TFDP2: variants seen among roughly 807,000 people sequenced by gnomAD.
TFDP2 encodes the protein transcription factor Dp-2.
A neutral mutation model predicts 59.3 loss-of-function variants in TFDP2; 17 were observed. The observed-to-expected ratio is 0.29, with a 90% CI of 0.20 to 0.43. The LOEUF (loss-of-function observed/expected upper bound fraction) is 0.43. TFDP2 is among the 20% of genes least tolerant of loss of function. The pLI is 1.00. For synonymous variants in TFDP2, 180 were observed against 194.7 expected (o/e 0.92, Z 0.63); for missense variants, 391 against 528.8 (o/e 0.74, Z 2.56).
chr3:141,988,264 A>G lies in TFDP2; in HGVS notation c.356+5274T>C, dbSNP rs141638438. 1.2e-3 allele frequency among the ~76,000 whole-genome samples: 180 copies of G among 152,188 alleles called. 1 individual carries two copies. Among genetic ancestry groups the G allele is most frequent in the African/African-American group, 4.1e-3 (170 of 41,538 alleles). On this transcript the variant is annotated intron_variant, in intron 6 of 12. Coordinates refer to ENST00000489671, the MANE Select transcript of TFDP2 (RefSeq NM_001178139.2). ...CCTGGCCTGCTGTTGGTTTTTGCCA[A>G]TTGTCTTTAACATACTAAGTTCCCT... is the stretch of plus-strand genomic sequence containing the variant.
In TFDP2 at chr3:141,969,206, C is replaced by T. The variant is rs1168325499; in HGVS notation, c.732+867G>A. ...ATATATATGAGATATATATATATAA[C>T]ATATATATATATCTCATATATATGA... On this transcript the variant is annotated intron_variant, in intron 9 of 12. Transcript: ENST00000489671. 5.2e-4 allele frequency among the ~76,000 whole-genome samples: 30 copies of T among 57,992 alleles called. 5 individuals are homozygous for T. Among genetic ancestry groups the T allele is most frequent in the African/African-American group, 2.6e-3 (25 of 9,638 alleles). 38.0% of individuals were successfully genotyped at this position (57,992 alleles called of 152,430 possible). A position where few individuals can be genotyped will look rare whatever the true frequency, so the allele number is the denominator to read the frequency against.
intron 4 of TFDP2, among the ~76,000 whole-genome samples, chr3:142,000,827 G>A (rs1943698275): frequency 6.6e-6 from 1 of 152,202 alleles, no homozygotes; most frequent in Admixed American, 6.5e-5. Context: ...ACCCAACAGG[G>A]CAAACATTAA....
chr3:141,952,839 A>T, intron 12 of TFDP2, 72 bp downstream of exon 12: 1 of 1,551,358 alleles, frequency 6.4e-7, no homozygotes, highest in Non-Finnish European at 8.9e-7. Context: ...CAGTAACATG[A>T]CCCCGGCTCA....
At chr3:142,050,682 A>G (rs1947581058) in intron 3 of TFDP2, among the ~76,000 whole-genome samples, 1 of 151,730 alleles carries the variant, frequency 6.6e-6, no homozygotes, top group African/African-American at 2.4e-5. Context: ...GGTGACAGAC[A>G]GAGCGAGACT....
rs142413325 is a variant in TFDP2, at chr3:142,113,253, T to TATTTATTTA, written c.-92-11413_-92-11412insTAAATAAAT. On this transcript the variant is annotated intron_variant, in intron 1 of 12. Transcript: ENST00000489671. The stretch of plus-strand genomic sequence containing the variant: ...CAAAACAAGCTAGATGACATTTATT[T>TATTTATTTA]TTTATTTATTTATTTATTTATTTTG... 7.0e-3 allele frequency among the ~76,000 whole-genome samples: 1,060 copies of TATTTATTTA among 152,120 alleles called. 6 individuals carry two copies. The highest frequency in any genetic ancestry group is 9.8e-3 in the Non-Finnish European group (663 of 67,982).
chr3:142,095,739 G>A (rs183756385), intron 2 of TFDP2, among the ~76,000 whole-genome samples: 31 of 152,212 alleles, frequency 2.0e-4, no homozygotes, highest in African/African-American at 7.2e-4. Flanking sequence ...AGAGTTTATT[G>A]TGCCATTACT....
chr3:142,078,374 AGTG>A (rs2060534342), intron 3 of TFDP2, among the ~76,000 whole-genome samples: 1 of 152,100 alleles, frequency 6.6e-6, no homozygotes, highest in Non-Finnish European at 1.5e-5. Context: ...GTGCAGTCCC[AGTG>A]GTGGTGGCCA....
intron 3 of TFDP2, among the ~76,000 whole-genome samples, chr3:142,074,620 G>A (rs1170686708): frequency 6.6e-6 from 1 of 151,858 alleles, no homozygotes; most frequent in African/African-American, 2.4e-5. Context: ...GGGAGGCCGA[G>A]GCAGGTGGAT....
chr3:142,132,172 C>T (rs1038528296), intron 1 of TFDP2, among the ~76,000 whole-genome samples: 3 of 150,052 alleles, frequency 2.0e-5, no homozygotes, highest in Non-Finnish European at 4.4e-5. Flanking sequence ...TATTGATATA[C>T]TCTGCAGCAT....
intron 3 of TFDP2, among the ~76,000 whole-genome samples, chr3:142,020,694 A>G (rs1158493910): frequency 1.3e-5 from 2 of 150,592 alleles, no homozygotes; most frequent in Non-Finnish European, 2.9e-5. Flanking sequence ...AAAAAAAAAA[A>G]GTTTTCAGGC....
intron 3 of TFDP2, among the ~76,000 whole-genome samples, chr3:142,013,953 T>C (rs1944922430): frequency 6.6e-6 from 1 of 152,184 alleles, no homozygotes; most frequent in African/African-American, 2.4e-5. Flanking sequence ...TTGAATTAGC[T>C]TTAGGAAAAA....
At chr3:141,995,192 C>G (rs1943151877) in intron 4 of TFDP2, 51 bp from the exon 5 acceptor site, 2 of 1,422,224 alleles carry the variant, frequency 1.4e-6, no homozygotes, top group Non-Finnish European at 1.9e-6. Flanking sequence ...TAAGAAAAGC[C>G]TACAGGCAGA....
At chr3:142,000,492 AG>A (rs1246818849) in intron 4 of TFDP2, 4 of 455,032 alleles carry the variant, frequency 8.8e-6, no homozygotes, top group Non-Finnish European at 1.6e-5. Context: ...AGTAGGGATT[AG>A]GTTTCAACAT....
At chr3:142,095,046 A>G (rs2061118794) in intron 2 of TFDP2, among the ~76,000 whole-genome samples, 2 of 151,630 alleles carry the variant, frequency 1.3e-5, no homozygotes, top group South Asian at 4.2e-4. Context: ...GCTGGAGTGC[A>G]GTGGCACAAT....
chr3:142,023,973 G>A (rs946581705), intron 3 of TFDP2, among the ~76,000 whole-genome samples: 1 of 151,858 alleles, frequency 6.6e-6, no homozygotes, highest in East Asian at 1.9e-4. Context: ...GTTAATTTTT[G>A]TATTTTTTGT....
intron 1 of TFDP2, among the ~76,000 whole-genome samples, chr3:142,113,871 T>C (rs957304431): frequency 6.6e-6 from 1 of 151,974 alleles, no homozygotes; most frequent in Non-Finnish European, 1.5e-5. Flanking sequence ...TCAAAATAAC[T>C]CTACAGAATA....
intron 3 of TFDP2, among the ~76,000 whole-genome samples, chr3:142,007,333 G>T (rs144896433): frequency 6.6e-6 from 1 of 152,226 alleles, no homozygotes; most frequent in East Asian, 1.9e-4. Context: ...ATATGACTGA[G>T]CCCTCTTATA....
At chr3:142,060,285 G>A (rs2059875133) in intron 3 of TFDP2, among the ~76,000 whole-genome samples, 1 of 152,148 alleles carries the variant, frequency 6.6e-6, no homozygotes, top group Non-Finnish European at 1.5e-5. Flanking sequence ...TAGGATTATA[G>A]GCGTGAGCCA....
rs990155814 is a variant in TFDP2 at position 141,945,554 on chromosome 3, T to C, written c.*6959A>G. ...GCAGCCAGTGCATATGGTTAGTGGG[T>C]GGTTCCATTTTTCAGGACACTGAGA... On this transcript the variant is annotated 3_prime_UTR_variant, in exon 13 of 13. Coordinates refer to ENST00000489671, the MANE Select transcript of TFDP2 (RefSeq NM_001178139.2). The C allele has an allele frequency of 2.6e-5, 4 of 152,270 alleles. No homozygotes were observed. The highest frequency in any genetic ancestry group is 9.6e-5 in the African/African-American group (4 of 41,458). 9.4% of individuals were successfully genotyped at this position (152,270 alleles called of 1,614,324 possible).
Sources: gnomAD v4.1 joint callset for allele counts (sites outside exome capture counted in the v4.1 genomes callset) on GRCh38, gnomAD v4.1.1 for gene constraint, MANE v1.5 for transcripts, NCBI Gene and HGNC (gene_info 2026-07-23, HGNC 2026-07-21) for gene names.